The following GRAMD1C variants were observed in gnomAD, a reference collection of about 807,000 sequenced individuals.
GRAMD1C encodes the protein GRAM domain containing 1C.
Under a neutral mutation model 97.8 loss-of-function variants are expected in GRAMD1C, and 89 were observed. The observed-to-expected ratio is 0.91, with a 90% CI of 0.77 to 1.09. GRAMD1C has a LOEUF of 1.09. Ranked by LOEUF, GRAMD1C falls within the 50% of genes least tolerant of loss-of-function variation. The pLI is 0.00. For missense variants in GRAMD1C, 740 were observed against 766.4 expected, an observed-to-expected ratio of 0.97 and a Z score of 0.41; for synonymous variants, 256 against 267.0, an observed-to-expected ratio of 0.96 and a Z score of 0.40.
intron 6 of GRAMD1C, among the ~76,000 whole-genome samples, chr3:113,890,440 G>A (rs1439064440): frequency 2.0e-5 from 3 of 152,350 alleles, no homozygotes; most frequent in South Asian, 2.1e-4. Context: ...ATGCATAGCT[G>A]TGTGCTGCTC....
At chr3:113,842,721 G>A (rs1328878130) in intron 1 of GRAMD1C, among the ~76,000 whole-genome samples, 1 of 152,118 alleles carries the variant, frequency 6.6e-6, no homozygotes, top group Non-Finnish European at 1.5e-5. Context: ...CTAGCACTTT[G>A]GGAGGCTTAG....
At chr3:113,854,539 A>C (rs927747687) in intron 2 of GRAMD1C, among the ~76,000 whole-genome samples, 3 of 152,172 alleles carry the variant, frequency 2.0e-5, no homozygotes, top group Non-Finnish European at 4.4e-5. Flanking sequence ...TGGGCATTGG[A>C]TTTGCAAGAT....
At chr3:113,918,250 T>A (rs1936910972) in intron 10 of GRAMD1C, among the ~76,000 whole-genome samples, 1 of 152,192 alleles carries the variant, frequency 6.6e-6, no homozygotes, top group African/African-American at 2.4e-5. Flanking sequence ...ACTTATTATA[T>A]TTTTTCGGAA....
rs771207173 is a variant in GRAMD1C, at chr3:113,890,319, T to C, written c.540+7487T>C. On this transcript the variant is annotated intron_variant, in intron 6 of 17. Transcript: ENST00000358160. ...AGTGTCTGTGGGTGTTTGGATGCCC[T>C]GCTTCACCAGAGCCACATGCCCTTG... Among the ~76,000 whole-genome samples the C allele has an allele frequency of 3.3e-5, 5 of 152,298 alleles. No individual in the cohort carries two copies. In the South Asian group the frequency reaches 1.0e-3, roughly 32 times the overall value.
chr3:113,863,959 C>T (rs549032558), intron 2 of GRAMD1C, among the ~76,000 whole-genome samples: 1 of 152,308 alleles, frequency 6.6e-6, no homozygotes, highest in South Asian at 2.1e-4. Context: ...CTCTTTCATG[C>T]TCTACCACAT....
chr3:113,940,252 T>TA lies in GRAMD1C; in HGVS notation c.1816dup (p.Met606AsnfsTer12). ...ATTTTTCTTTCAGTTTAGCCTCTGATATGGTGTCAAGAGCAGAAACTATTC... is the reference window on the plus strand; with the variant it reads ...ATTTTTCTTTCAGTTTAGCCTCTGATAATGGTGTCAAGAGCAGAAACTATTC... On this transcript the variant is annotated frameshift_variant, in exon 17 of 18. Transcript: ENST00000358160. LOFTEE classifies it high-confidence loss of function. 6.3e-7 allele frequency: 1 copy of TA among 1,593,426 alleles called. No individual in the cohort carries two copies. The highest frequency in any genetic ancestry group is 8.6e-7 in the Non-Finnish European group (1 of 1,161,170).
chr3:113,877,847 C>T (rs1189174667), intron 5 of GRAMD1C, among the ~76,000 whole-genome samples: 3 of 151,388 alleles, frequency 2.0e-5, no homozygotes, highest in Non-Finnish European at 4.4e-5. Flanking sequence ...GTGTGATCTT[C>T]GCTTACTGCA....
At chr3:113,933,010 G>C (rs1335651293) in intron 11 of GRAMD1C, among the ~76,000 whole-genome samples, 1 of 151,276 alleles carries the variant, frequency 6.6e-6, no homozygotes, top group African/African-American at 2.4e-5. Flanking sequence ...GCCTCCCACC[G>C]AGTAGCTGGG....
intron 5 of GRAMD1C, among the ~76,000 whole-genome samples, chr3:113,878,045 G>C (rs1935117519): frequency 1.3e-5 from 2 of 152,292 alleles, no homozygotes; most frequent in South Asian, 4.1e-4. Context: ...CTCCCAAAGT[G>C]CTGGGATTAC....
In GRAMD1C at chr3:113,934,894, C is replaced by T. The variant is rs1026597327; in HGVS notation, c.1456+359C>T. Among the ~76,000 whole-genome samples, 5 of 152,190 alleles carry T rather than the reference C, an allele frequency of 3.3e-5. No individual in the cohort carries two copies. In the East Asian group the frequency reaches 5.8e-4, roughly 18 times the overall value. On this transcript the variant is annotated intron_variant, in intron 13 of 17. Transcript: ENST00000358160. The stretch of plus-strand genomic sequence containing the variant: ...GAGTAGCTGGGACTACAGGCGTGTG[C>T]CACCACACCCGGCTAATTTTTGTAT...
In GRAMD1C at chr3:113,902,733, G is replaced by A. The variant is rs533723440; in HGVS notation, c.657-1407G>A. ...GCGATCTTGGCTCACTGCAACCTCC[G>A]CCTCCTGGGTTCAAGCGATTCTCCT... On this transcript the variant is annotated intron_variant, in intron 7 of 17. Transcript: ENST00000358160. 1.3e-3 allele frequency among the ~76,000 whole-genome samples: 190 copies of A among 151,940 alleles called. 1 individual carries two copies. Among genetic ancestry groups the A allele is most frequent in the Non-Finnish European group, 4.1e-4 (28 of 67,962 alleles).
rs1937380900 is a variant in GRAMD1C, at chr3:113,930,692, A to C, written c.1091-22A>C. On this transcript the variant is annotated intron_variant, in intron 10 of 17. Coordinates refer to ENST00000358160, the MANE Select transcript of GRAMD1C (RefSeq NM_017577.5). ...CTGTTTAAGTTTCTAGAACTAACTCATTTTGTGTTTGTTGTTGTTAGATGT... is the reference window on the plus strand; with the variant it reads ...CTGTTTAAGTTTCTAGAACTAACTCCTTTTGTGTTTGTTGTTGTTAGATGT... The C allele has an allele frequency of 2.5e-6, 3 of 1,205,818 alleles. No individual in the cohort carries two copies. The South Asian group carries it at 3.7e-5, about 15-fold the overall frequency. 74.7% of individuals were successfully genotyped at this position (1,205,818 alleles called of 1,614,324 possible).
chr3:113,882,024 T>A (rs189624672), intron 5 of GRAMD1C, among the ~76,000 whole-genome samples: 202 of 152,306 alleles, frequency 1.3e-3, no homozygotes, highest in African/African-American at 4.4e-3. Flanking sequence ...GGATAACTGC[T>A]GAGCCATGAA....
chr3:113,893,363 G>T lies in GRAMD1C; in HGVS notation c.541-7668G>T, dbSNP rs529858936. 4.0e-5 allele frequency among the ~76,000 whole-genome samples: 6 copies of T among 150,468 alleles called. No homozygotes were observed. The South Asian group carries it at 8.4e-4, about 21-fold the overall frequency. On this transcript the variant is annotated intron_variant, in intron 6 of 17. Transcript: ENST00000358160. ...CATCTTAATATACCCTCTCATTCTT[G>T]TCATCTTAAATGTTCTGCTTTTTTT...
At chr3:113,839,014 T>G (rs770785210) in intron 1 of GRAMD1C, 78 bp downstream of exon 1, 319 of 899,908 alleles carry the variant, frequency 3.5e-4, no homozygotes, top group Non-Finnish European at 4.5e-4. Context: ...TGCTTGAACC[T>G]TCTCAGATTA....
At chr3:113,899,794 G>A (rs565195350) in intron 6 of GRAMD1C, among the ~76,000 whole-genome samples, 4 of 152,230 alleles carry the variant, frequency 2.6e-5, no homozygotes, top group Admixed American at 2.6e-4. Context: ...TGAGTTTGTT[G>A]TATTTGATGA....
At chr3:113,914,892 G>A (rs375304895) in intron 9 of GRAMD1C, among the ~76,000 whole-genome samples, 218 of 152,252 alleles carry the variant, frequency 1.4e-3, no homozygotes, top group African/African-American at 5.2e-3. Flanking sequence ...TAGCATTGCA[G>A]TGAGAATAAG....
chr3:113,842,867 G>A (rs1933410395), intron 1 of GRAMD1C, among the ~76,000 whole-genome samples: 1 of 151,740 alleles, frequency 6.6e-6, no homozygotes, highest in Non-Finnish European at 1.5e-5. Flanking sequence ...GGAGACTGAG[G>A]CAGGAAAATC....
intron 2 of GRAMD1C, among the ~76,000 whole-genome samples, chr3:113,848,162 G>T (rs1933698627): frequency 6.6e-6 from 1 of 152,236 alleles, no homozygotes; most frequent in Admixed American, 6.5e-5. Flanking sequence ...ATTGGAGACT[G>T]CGAACAAAAT....
Sources: allele counts gnomAD v4.1 joint callset (sites outside exome capture counted in the v4.1 genomes callset), GRCh38; gene constraint gnomAD v4.1.1; transcripts MANE v1.5; gene names NCBI Gene and HGNC (gene_info 2026-07-23, HGNC 2026-07-21).